COL23A1: variants seen among roughly 807,000 people sequenced by gnomAD.
The protein encoded by COL23A1 is collagen alpha-1(XXIII) chain.
A neutral mutation model predicts 99.3 loss-of-function variants in COL23A1; 97 were observed. That is an observed-to-expected ratio of 0.98 (90% CI 0.83 to 1.16). The LOEUF (loss-of-function observed/expected upper bound fraction) is 1.16. COL23A1 is among the 50% of genes most tolerant of loss of function. COL23A1 has a pLI of 0.00. For synonymous variants in COL23A1, 320 were observed against 308.2 expected (o/e 1.04, Z -0.40); for missense variants, 762 against 757.4 (o/e 1.01, Z -0.07).
At chr5:178,478,252 AG>A (rs1757137175) in intron 2 of COL23A1, among the ~76,000 whole-genome samples, 1 of 152,142 alleles carries the variant, frequency 6.6e-6, no homozygotes, top group African/African-American at 2.4e-5. Flanking sequence ...CTTGGCCAGG[AG>A]AATCAGTGGG....
At chr5:178,333,733 G>C (rs959722861) in intron 2 of COL23A1, among the ~76,000 whole-genome samples, 1 of 152,182 alleles carries the variant, frequency 6.6e-6, no homozygotes. Context: ...AACAAGCCTG[G>C]CCTGTGACTG....
Position 178,493,820 on chromosome 5 carries a change from C to G in COL23A1, c.361+66862G>C, listed in dbSNP as rs150263403. On this transcript the variant is annotated intron_variant, in intron 2 of 28. Coordinates refer to ENST00000390654, the MANE Select transcript of COL23A1 (RefSeq NM_173465.4). ...TCTTCCTGGGCTGATGCACTGAGGA[C>G]CCCTGGCCCTTGGCAGGGTCTTCTG... Among the ~76,000 whole-genome samples, 4 of 152,340 alleles carry G rather than the reference C, an allele frequency of 2.6e-5. No homozygotes were observed. In the East Asian group the frequency reaches 7.7e-4, roughly 29 times the overall value.
At chr5:178,263,349 A>C (rs751238475) in intron 8 of COL23A1, 25 bp from the exon 9 acceptor site, 2 of 1,421,464 alleles carry the variant, frequency 1.4e-6, no homozygotes, top group South Asian at 2.6e-5. Context: ...GCTTGGCATG[A>C]CTCTGAGGGG....
intron 2 of COL23A1, among the ~76,000 whole-genome samples, chr5:178,414,447 C>T (rs972234471): frequency 4.6e-5 from 7 of 152,006 alleles, no homozygotes; most frequent in Non-Finnish European, 8.8e-5. Context: ...CTCCCATTTA[C>T]CACTTCTCCA....
At chr5:178,452,471 G>A (rs962024912) in intron 2 of COL23A1, among the ~76,000 whole-genome samples, 1 of 152,178 alleles carries the variant, frequency 6.6e-6, no homozygotes, top group East Asian at 1.9e-4. Context: ...AACCATAAGA[G>A]AAAAGACTGA....
chr5:178,244,146 AT>A (rs59008283), intron 25 of COL23A1, among the ~76,000 whole-genome samples: 121,910 of 141,182 alleles, frequency 0.86, 52,675 homozygotes, highest in Non-Finnish European at 0.91. Context: ...TGCCTGGCTA[AT>A]TTTTTTTTTT....
At position 178,288,540 on chromosome 5, in the gene COL23A1, C is replaced by T. The variant is rs766116895; in HGVS notation, c.415-190G>A. On this transcript the variant is annotated intron_variant, in intron 4 of 28. Transcript: ENST00000390654. Reference sequence around the variant, plus strand: ...GCAGCCCTTTCCTGCCTCAGAGGGCCAGGCTGGAGGGACCAAGAGCCTCAG... The same window carrying T: ...GCAGCCCTTTCCTGCCTCAGAGGGCTAGGCTGGAGGGACCAAGAGCCTCAG... The T allele has an allele frequency of 1.1e-5, 7 of 652,224 alleles. No individual in the cohort carries two copies. The East Asian group carries it at 1.9e-4, about 18-fold the overall frequency. 40.4% of individuals were successfully genotyped at this position (652,224 alleles called of 1,614,324 possible). A position where few individuals can be genotyped will look rare whatever the true frequency, so the allele number is the denominator to read the frequency against.
chr5:178,455,220 C>T (rs1256037605), intron 2 of COL23A1, among the ~76,000 whole-genome samples: 2 of 152,226 alleles, frequency 1.3e-5, no homozygotes, highest in Non-Finnish European at 2.9e-5. Flanking sequence ...ACTGAGCAGT[C>T]GCTGACTGGG....
At chr5:178,521,756 G>T (rs1759958811) in intron 2 of COL23A1, among the ~76,000 whole-genome samples, 1 of 152,116 alleles carries the variant, frequency 6.6e-6, no homozygotes, top group South Asian at 2.1e-4. Flanking sequence ...GAAACAAATG[G>T]CTACTTATTT....
intron 2 of COL23A1, among the ~76,000 whole-genome samples, chr5:178,498,984 G>C (rs1758382186): frequency 6.6e-6 from 1 of 152,122 alleles, no homozygotes; most frequent in Non-Finnish European, 1.5e-5. Flanking sequence ...CAGCTACTCA[G>C]GAGGATGAGG....
chr5:178,382,628 C>A (rs115991128), intron 2 of COL23A1, among the ~76,000 whole-genome samples: 1,705 of 152,260 alleles, frequency 0.011, 29 homozygotes, highest in African/African-American at 0.039. Context: ...TGTGTCCCCT[C>A]CCGCAAAGTC....
chr5:178,355,799 G>C lies in COL23A1; in HGVS notation c.362-48880C>G, dbSNP rs552189335. Among the ~76,000 whole-genome samples the C allele has an allele frequency of 5.3e-3, 810 of 152,048 alleles. 10 individuals carry two copies. Among genetic ancestry groups the C allele is most frequent in the Middle Eastern group, 6.8e-3 (2 of 294 alleles). ...TTGTATTTTTTTCTGAATTTTTTTT[G>C]ATCTGTGTTTAGCTGAATCCACAGA... is the stretch of plus-strand genomic sequence containing the variant. On this transcript the variant is annotated intron_variant, in intron 2 of 28. Transcript: ENST00000390654.
intron 2 of COL23A1, among the ~76,000 whole-genome samples, chr5:178,558,769 C>G (rs1762406818): frequency 6.6e-6 from 1 of 152,040 alleles, no homozygotes; most frequent in East Asian, 1.9e-4. Context: ...GTGAATTTTT[C>G]CTCCCATGTA....
At chr5:178,423,063 C>G (rs935431234) in intron 2 of COL23A1, among the ~76,000 whole-genome samples, 1 of 152,110 alleles carries the variant, frequency 6.6e-6, no homozygotes, top group African/African-American at 2.4e-5. Flanking sequence ...AACTACTGGG[C>G]TCAAGCAATT....
chr5:178,571,860 G>T (rs1351884690), intron 1 of COL23A1, among the ~76,000 whole-genome samples: 1 of 152,126 alleles, frequency 6.6e-6, no homozygotes, highest in Admixed American at 6.5e-5. Flanking sequence ...ACAAGGTCAG[G>T]AGATTGAGAC....
intron 12 of COL23A1, among the ~76,000 whole-genome samples, chr5:178,258,232 TTAAAATATATATATA>T (rs1400567346): frequency 9.5e-6 from 1 of 105,816 alleles, no homozygotes; most frequent in Non-Finnish European, 1.9e-5. Flanking sequence ...AGATCCTGTC[TTAAAATATATATATA>T]TATATATATA....
chr5:178,243,642 G>A (rs1335517014), intron 25 of COL23A1, among the ~76,000 whole-genome samples: 1 of 152,204 alleles, frequency 6.6e-6, no homozygotes, highest in East Asian at 1.9e-4. Flanking sequence ...CTGGAGGGAA[G>A]GGCTGTTCTA....
chr5:178,479,368 G>A (rs927315663), intron 2 of COL23A1, among the ~76,000 whole-genome samples: 1 of 152,142 alleles, frequency 6.6e-6, no homozygotes, highest in Non-Finnish European at 1.5e-5. Context: ...AAAAAACCCC[G>A]AGCTGCTGCC....
chr5:178,303,165 A>G (rs1758165720), intron 3 of COL23A1, among the ~76,000 whole-genome samples: 1 of 152,032 alleles, frequency 6.6e-6, no homozygotes, highest in Non-Finnish European at 1.5e-5. Context: ...ATGCCTGGCT[A>G]ATTTTTGTAT....
Sources: allele counts gnomAD v4.1 joint callset (sites outside exome capture counted in the v4.1 genomes callset), GRCh38; gene constraint gnomAD v4.1.1; transcripts MANE v1.5; gene names NCBI Gene and HGNC (gene_info 2026-07-23, HGNC 2026-07-21).